The following ASPH variants were observed in gnomAD, a reference collection of about 807,000 sequenced individuals.
ASPH encodes aspartyl/asparaginyl beta-hydroxylase.
ASPH carries 100 observed loss-of-function variants against 118.4 expected under a neutral mutation model. The observed-to-expected ratio is 0.84, with a 90% CI of 0.72 to 1.00. The LOEUF (loss-of-function observed/expected upper bound fraction) is 1.00. Among genes scored for constraint, ASPH ranks in the 50% least tolerant of loss-of-function variants. The pLI is 0.00. For missense variants in ASPH, 920 were observed against 919.5 expected (o/e 1.00, Z -0.01); for synonymous variants, 315 against 325.6 (o/e 0.97, Z 0.35).
chr8:61,580,100 A>G (rs1040440813), intron 15 of ASPH, among the ~76,000 whole-genome samples: 1 of 151,902 alleles, frequency 6.6e-6, no homozygotes, highest in Non-Finnish European at 1.5e-5. Context: ...GGGCAGCTCC[A>G]CCCCTGTGGC....
chr8:61,567,212 A>G lies in ASPH; in HGVS notation c.1256T>C (p.Leu419Pro). The change falls in exon 17 of 25, where the codon CTG (leucine) becomes CCG (proline). Residue 419 changes from leucine (L) to proline (P), a missense_variant. Physicochemically the swap from Leu to Pro is moderately conservative, Grantham distance 98. Transcript: ENST00000379454. ...TGAGCGACGCTTCAAACTCAGCTTC[A>G]GCAGGTCTGCAGGGACATCAGGTAG... Reference protein sequence around the residue: ...ASLPDVPADLLKLSLKRRSDR... With the variant: ...ASLPDVPADLPKLSLKRRSDR... 6.2e-7 allele frequency: 1 copy of G among 1,614,030 alleles called. No homozygotes were observed. The highest frequency in any genetic ancestry group is 8.5e-7 in the Non-Finnish European group (1 of 1,179,974).
intron 22 of ASPH, among the ~76,000 whole-genome samples, chr8:61,524,566 C>G (rs1344502455): frequency 6.6e-6 from 1 of 152,038 alleles, no homozygotes; most frequent in Non-Finnish European, 1.5e-5. Flanking sequence ...AACAAAGATA[C>G]TAAGAAAGTA....
intron 10 of ASPH, among the ~76,000 whole-genome samples, chr8:61,642,655 C>T (rs971798680): frequency 1.3e-5 from 2 of 151,868 alleles, no homozygotes; most frequent in Admixed American, 6.6e-5. Flanking sequence ...CACCTGAGAT[C>T]GGGAGTTTGA....
At chr8:61,696,528 T>A (rs1476258447) in intron 1 of ASPH, among the ~76,000 whole-genome samples, 1 of 152,016 alleles carries the variant, frequency 6.6e-6, no homozygotes, top group Non-Finnish European at 1.5e-5. Flanking sequence ...ACACCACTGA[T>A]AAGAAGATAA....
At chr8:61,650,140 CTTCTG>C (rs201788605) in intron 5 of ASPH, among the ~76,000 whole-genome samples, 2,781 of 152,088 alleles carry the variant, frequency 0.018, 65 homozygotes, top group South Asian at 0.072. Flanking sequence ...TTGGATTTTC[CTTCTG>C]TTAAGTTAAA....
At chr8:61,565,831 T>C (rs970199807) in intron 17 of ASPH, among the ~76,000 whole-genome samples, 1 of 152,200 alleles carries the variant, frequency 6.6e-6, no homozygotes, top group Admixed American at 6.5e-5. Context: ...AGCTGGAGAC[T>C]TTAAGTTGAA....
At chr8:61,543,799 G>A (rs868250896) in intron 21 of ASPH, among the ~76,000 whole-genome samples, 7 of 152,000 alleles carry the variant, frequency 4.6e-5, no homozygotes, top group South Asian at 4.1e-4. Context: ...TTTTGTTATC[G>A]TTGTCACTAT....
At chr8:61,664,831 G>A (rs1818716582) in intron 3 of ASPH, 1 of 989,138 alleles carries the variant, frequency 1.0e-6, no homozygotes, top group African/African-American at 1.7e-5. Context: ...GAAGGGGAAG[G>A]AGGGAAGAAA....
intron 14 of ASPH, chr8:61,606,872 G>A (rs1311650570): frequency 1.7e-5 from 1 of 59,112 alleles, no homozygotes; most frequent in East Asian, 3.8e-4. Flanking sequence ...AGAAACACCT[G>A]TGATTTTTTT....
At position 61,684,124 on chromosome 8, in the gene ASPH, C is replaced by A. The variant is rs138378754; in HGVS notation, c.168G>T (p.Thr56=). 1 of 1,613,666 alleles carries A rather than the reference C, an allele frequency of 6.2e-7. No individual in the cohort carries two copies. The highest frequency in any genetic ancestry group is 8.5e-7 in the Non-Finnish European group (1 of 1,179,706). ...KGGLSGTSFF[T]WFMVIALLGV... is the part of the protein sequence containing the mutation. ...CCAGCAATGCAATCACCATAAACCA[C>A]GTGAAGAATGAAGTTCCTGAGAGTC... is the stretch of plus-strand genomic sequence containing the variant. The change falls in exon 2 of 25, where the codon ACG becomes ACT. Residue 56 remains threonine (T), a synonymous_variant. Coordinates refer to ENST00000379454, the MANE Select transcript of ASPH (RefSeq NM_004318.4).
intron 3 of ASPH, chr8:61,661,850 C>G: frequency 2.4e-6 from 1 of 413,184 alleles, no homozygotes; most frequent in Non-Finnish European, 4.3e-6. Context: ...AGTGTTCATG[C>G]TGATTGATTT....
Position 61,522,513 on chromosome 8 carries a change from T to A in ASPH, c.1900+3464A>T, listed in dbSNP as rs146131247. 2.6e-3 allele frequency among the ~76,000 whole-genome samples: 394 copies of A among 152,264 alleles called. 1 individual carries two copies. Among genetic ancestry groups the A allele is most frequent in the African/African-American group, 8.9e-3 (371 of 41,552 alleles). The stretch of plus-strand genomic sequence containing the variant: ...CCCAAATCTCATCTTGAATTATAGT[T>A]CCCATAATCCCCATGTGTCATGGGA... On this transcript the variant is annotated intron_variant, in intron 22 of 24. Transcript: ENST00000379454.
At chr8:61,610,881 C>T (rs966569673) in intron 14 of ASPH, among the ~76,000 whole-genome samples, 1 of 152,180 alleles carries the variant, frequency 6.6e-6, no homozygotes, top group Non-Finnish European at 1.5e-5. Context: ...CTAGGCTAAC[C>T]ATGCAGTAAT....
intron 21 of ASPH, among the ~76,000 whole-genome samples, chr8:61,533,098 C>G (rs1467542207): frequency 6.7e-6 from 1 of 149,660 alleles, no homozygotes; most frequent in East Asian, 2.0e-4. Context: ...TTCTTCATTT[C>G]TTCTTCTTTT....
At chr8:61,662,620 A>AG (rs1817483410) in intron 3 of ASPH, among the ~76,000 whole-genome samples, 1 of 152,218 alleles carries the variant, frequency 6.6e-6, no homozygotes, top group Admixed American at 6.5e-5. Flanking sequence ...CAGTTGGATA[A>AG]AGTGTGACTT....
chr8:61,674,984 G>A (rs1432588373), intron 3 of ASPH, among the ~76,000 whole-genome samples: 2 of 152,098 alleles, frequency 1.3e-5, no homozygotes, highest in Non-Finnish European at 2.9e-5. Flanking sequence ...CTTATCCCTA[G>A]AAGAGCTTTG....
chr8:61,528,722 T>A (rs887843983), intron 21 of ASPH, among the ~76,000 whole-genome samples: 1 of 152,206 alleles, frequency 6.6e-6, no homozygotes, highest in Non-Finnish European at 1.5e-5. Context: ...AACATTGCCC[T>A]TCCTGCCCCT....
chr8:61,531,030 T>G (rs193100408), intron 21 of ASPH, among the ~76,000 whole-genome samples: 2 of 152,234 alleles, frequency 1.3e-5, no homozygotes, highest in Non-Finnish European at 2.9e-5. Context: ...TATAATAGTA[T>G]GACAATCAGG....
intron 22 of ASPH, among the ~76,000 whole-genome samples, chr8:61,522,756 A>G (rs771032411): frequency 1.3e-5 from 2 of 151,770 alleles, no homozygotes; most frequent in Non-Finnish European, 2.9e-5. Context: ...TGTCAATTAA[A>G]CCTCTTTTTG....
Sources: gnomAD v4.1 joint callset for allele counts (sites outside exome capture counted in the v4.1 genomes callset) on GRCh38, gnomAD v4.1.1 for gene constraint, MANE v1.5 for transcripts, NCBI Gene and HGNC (gene_info 2026-07-23, HGNC 2026-07-21) for gene names.